The following TMEM164 variants were observed in gnomAD, a reference collection of about 807,000 sequenced individuals.
TMEM164 encodes RP13-360B22.2.
Under a neutral mutation model 18.8 loss-of-function variants are expected in TMEM164, and 4 were observed. The observed-to-expected ratio is 0.21, with a 90% confidence interval of 0.10 to 0.49. TMEM164 has a LOEUF of 0.49. Ranked by LOEUF, TMEM164 falls within the 20% of genes least tolerant of loss-of-function variation. The probability of loss-of-function intolerance (pLI) is 0.98; values close to 1 mark genes in which losing one functional copy is unlikely to be tolerated. For missense variants in TMEM164, 108 were observed against 239.9 expected, an observed-to-expected ratio of 0.45 and a Z score of 3.63; for synonymous variants, 86 against 101.7, an observed-to-expected ratio of 0.85 and a Z score of 0.93.
chrX:110,065,310 C>T (rs1936289402), intron 2 of TMEM164: 1 of 111,766 alleles, frequency 8.9e-6, no homozygotes, highest in East Asian at 2.8e-4. Flanking sequence ...TGCATTTTTA[C>T]ATCTCTGTTT....
At chrX:110,082,057 C>T (rs954582911) in intron 3 of TMEM164, 5 of 112,605 alleles carry the variant, frequency 4.4e-5, no homozygotes, top group African/African-American at 1.3e-4. Context: ...TTTATATGTA[C>T]CTCAGTTGAC....
chrX:110,171,858 G>T (rs1320497640), intron 6 of TMEM164, among the ~76,000 whole-genome samples: 1 of 112,148 alleles, frequency 8.9e-6, no homozygotes, highest in Non-Finnish European at 1.9e-5. Flanking sequence ...CTGCCCCTTG[G>T]CCTGGGGGAG....
chrX:110,126,245 G>A (rs2066526659), intron 4 of TMEM164, among the ~76,000 whole-genome samples: 1 of 111,901 alleles, frequency 8.9e-6, no homozygotes, highest in African/African-American at 3.3e-5. Context: ...GACAGATAGG[G>A]CTGACAGAAG....
chrX:110,090,245 C>G (rs1204264595), intron 3 of TMEM164, among the ~76,000 whole-genome samples: 1 of 110,252 alleles, frequency 9.1e-6, no homozygotes, highest in African/African-American at 3.3e-5. Context: ...GCCAGCCAAG[C>G]CCCCCTGTTC....
At chrX:110,132,430 G>A (rs55676474) in intron 4 of TMEM164, among the ~76,000 whole-genome samples, 5,365 of 110,938 alleles carry the variant, frequency 0.048, 131 homozygotes, top group Non-Finnish European at 0.077. Flanking sequence ...CTGAATTTTG[G>A]TTATTATTCT....
intron 4 of TMEM164, among the ~76,000 whole-genome samples, chrX:110,137,779 T>C (rs1227270788): frequency 8.9e-6 from 1 of 112,527 alleles, no homozygotes; most frequent in Admixed American, 9.4e-5. Flanking sequence ...TATTGCCACA[T>C]AGCAAGAGGC....
chrX:110,078,429 G>C (rs1427978416), intron 3 of TMEM164, among the ~76,000 whole-genome samples: 1 of 112,269 alleles, frequency 8.9e-6, no homozygotes, highest in East Asian at 2.8e-4. Context: ...TTGCCATCCA[G>C]ATTCTGAATT....
chrX:110,003,527 G>T lies in TMEM164; in HGVS notation c.-248G>T. The T allele has an allele frequency of 3.2e-6, 1 of 314,313 alleles. No homozygotes were observed. Among genetic ancestry groups the T allele is most frequent in the Non-Finnish European group, 5.4e-6 (1 of 183,697 alleles). The allele number at this position is 314,313 out of a possible 1,213,427, so 25.9% of individuals were successfully genotyped here. Reference sequence around the variant, plus strand: ...TTGGCCAACGGCTCCTTTCAACCCTGCCTCGTTGGTGGCCACTGGAGAAGC... The same window carrying T: ...TTGGCCAACGGCTCCTTTCAACCCTTCCTCGTTGGTGGCCACTGGAGAAGC... On this transcript the variant is annotated 5_prime_UTR_variant, in exon 2 of 7. Transcript: ENST00000372068.
At chrX:110,028,974 T>C (rs758577810) in intron 2 of TMEM164, among the ~76,000 whole-genome samples, 24 of 110,515 alleles carry the variant, frequency 2.2e-4, no homozygotes, top group Non-Finnish European at 4.1e-4. Context: ...TTTGCATTTA[T>C]TGTTACATCT....
At chrX:110,090,881 C>T (rs886498143) in intron 3 of TMEM164, among the ~76,000 whole-genome samples, 4 of 105,504 alleles carry the variant, frequency 3.8e-5, no homozygotes, top group South Asian at 9.0e-4. Flanking sequence ...ATGACAGGCC[C>T]GGCGTGTGAT....
In TMEM164 at chrX:110,173,484, G is replaced by GGAA. The variant is rs2067257546; in HGVS notation, c.*35_*37dup. On this transcript the variant is annotated 3_prime_UTR_variant, in exon 7 of 7. Coordinates refer to ENST00000372068, the MANE Select transcript of TMEM164 (RefSeq NM_032227.4). Reference sequence around the variant, plus strand: ...TATTTTTTTTTTTTTTCCTCCCTGAGGAAGCAAGTCGTGACTTGACTTGGA... The same window carrying GGAA: ...TATTTTTTTTTTTTTTCCTCCCTGAGGAAGAAGCAAGTCGTGACTTGACTTGGA... 1 of 1,149,532 alleles carries GGAA rather than the reference G, an allele frequency of 8.7e-7. No homozygotes were observed. The highest frequency in any genetic ancestry group is 3.0e-5 in the East Asian group (1 of 33,587). 94.7% of individuals were successfully genotyped at this position (1,149,532 alleles called of 1,213,427 possible).
At chrX:110,097,799 A>G (rs2066045553) in intron 3 of TMEM164, among the ~76,000 whole-genome samples, 1 of 112,225 alleles carries the variant, frequency 8.9e-6, no homozygotes, top group Admixed American at 9.5e-5. Context: ...AGAAAAAACT[A>G]GGGCAGAAAA....
intron 3 of TMEM164, among the ~76,000 whole-genome samples, chrX:110,104,796 A>G (rs1396508515): frequency 8.9e-6 from 1 of 111,759 alleles, no homozygotes; most frequent in East Asian, 2.8e-4. Context: ...ACAGTAAGCT[A>G]TTGGTAGTTA....
chrX:110,144,976 G>C (rs2066831621), intron 5 of TMEM164, 100 bp downstream of exon 5: 2 of 591,806 alleles, frequency 3.4e-6, no homozygotes, highest in East Asian at 7.0e-5. Context: ...AGGATCTTCA[G>C]CTGCCGCTTG....
intron 3 of TMEM164, among the ~76,000 whole-genome samples, chrX:110,105,195 T>G (rs868667057): frequency 1.0e-5 from 1 of 97,971 alleles, no homozygotes; most frequent in Non-Finnish European, 2.0e-5. Context: ...CATCCATCCA[T>G]CCATCCATCC....
chrX:110,055,398 A>G (rs1935776879), intron 2 of TMEM164: 1 of 335,544 alleles, frequency 3.0e-6, no homozygotes, highest in Non-Finnish European at 6.0e-6. Context: ...GAATGGCGCC[A>G]CTAGGGTTGT....
chrX:110,175,661 GAGGA>G lies in TMEM164; in HGVS notation c.*2217_*2220del, dbSNP rs2067281564. ...AAGCCAGAGACAGATCCACCTGTCA[GAGGA>G]AGGAAGAAGTAAAGGGGGCATGCAG... On this transcript the variant is annotated 3_prime_UTR_variant, in exon 7 of 7. Coordinates refer to ENST00000372068, the MANE Select transcript of TMEM164 (RefSeq NM_032227.4). The G allele has an allele frequency of 1.5e-6, 1 of 665,654 alleles. No individual in the cohort carries two copies. Among genetic ancestry groups the G allele is most frequent in the Admixed American group, 8.7e-5 (1 of 11,438 alleles). 54.9% of individuals were successfully genotyped at this position (665,654 alleles called of 1,213,427 possible).
intron 2 of TMEM164, among the ~76,000 whole-genome samples, chrX:110,033,663 A>T (rs1934625108): frequency 9.0e-6 from 1 of 111,075 alleles, no homozygotes; most frequent in South Asian, 3.8e-4. Context: ...TTCACTGGGG[A>T]TAGGTCTCAG....
chrX:110,127,186 T>C lies in TMEM164; in HGVS notation c.508-17612T>C, dbSNP rs191872262. Reference sequence around the variant, plus strand: ...TGTCCTGAGGAAGTACCATCCAGAGTCTCGTCCTAGCAAGGTGTTTTAGTG... The same window carrying C: ...TGTCCTGAGGAAGTACCATCCAGAGCCTCGTCCTAGCAAGGTGTTTTAGTG... On this transcript the variant is annotated intron_variant, in intron 4 of 6. Coordinates refer to ENST00000372068, the MANE Select transcript of TMEM164 (RefSeq NM_032227.4). 3.0e-3 allele frequency among the ~76,000 whole-genome samples: 328 copies of C among 110,009 alleles called. 2 individuals carry two copies. Among genetic ancestry groups the C allele is most frequent in the African/African-American group, 9.6e-3 (290 of 30,172 alleles).
Sources: allele counts gnomAD v4.1 joint callset (sites outside exome capture counted in the v4.1 genomes callset), GRCh38; gene constraint gnomAD v4.1.1; transcripts MANE v1.5; gene names NCBI Gene and HGNC (gene_info 2026-07-23, HGNC 2026-07-21).